PRR19: variants seen among roughly 807,000 people sequenced by gnomAD.
The protein encoded by PRR19 is proline-rich protein 19.
A neutral mutation model predicts 19.2 loss-of-function variants in PRR19; 9 were observed. That is an observed-to-expected ratio of 0.47 (90% CI 0.28 to 0.82). The LOEUF is 0.82. PRR19 is among the 40% of genes least tolerant of loss of function. PRR19 has a pLI of 0.11. For synonymous variants in PRR19, 190 were observed against 191.0 expected, an observed-to-expected ratio of 0.99 and a Z score of 0.04; for missense variants, 457 against 466.0, an observed-to-expected ratio of 0.98 and a Z score of 0.18.
Position 42,310,205 on chromosome 19 carries a change from C to G in PRR19, c.601+20C>G, listed in dbSNP as rs1465587776. ...TGCCAGGTGAGCGTCCCTCCTGCCC[C>G]TGTACTCCCCTTTCCTTTGTCGGCT... On this transcript the variant is annotated intron_variant, in intron 2 of 2. Transcript: ENST00000341747. The G allele has an allele frequency of 3.7e-6, 6 of 1,613,848 alleles. No individual in the cohort carries two copies. In the African/African-American group the frequency reaches 8.0e-5, roughly 22 times the overall value.
rs1357480851 is a variant in PRR19, at chr19:42,309,997, C to A, written c.413C>A (p.Ser138Tyr). 8.1e-6 allele frequency: 13 copies of A among 1,614,050 alleles called. No homozygotes were observed. Among genetic ancestry groups the A allele is most frequent in the Non-Finnish European group, 1.1e-5 (13 of 1,180,044 alleles). ...PGGSGPGPPS[S>Y]PELSGVGQLL... ...GGTTCGGGCCCAGGCCCACCCAGTTCCCCAGAGTTGTCTGGCGTGGGGCAG... is the reference window on the plus strand; with the variant it reads ...GGTTCGGGCCCAGGCCCACCCAGTTACCCAGAGTTGTCTGGCGTGGGGCAG... The change falls in exon 2 of 3, where the codon TCC becomes TAC. Residue 138 changes from serine to tyrosine, a missense_variant. Coordinates refer to ENST00000341747, the MANE Select transcript of PRR19 (RefSeq NM_199285.3).
chr19:42,302,729 T>C (rs975014710), intron 1 of PRR19: 2 of 192,484 alleles, frequency 1.0e-5, no homozygotes, highest in Non-Finnish European at 2.1e-5. Context: ...GGGGAAAATC[T>C]AGCCCTCTGT....
chr19:42,307,338 G>A (rs537884020), intron 1 of PRR19, among the ~76,000 whole-genome samples: 1 of 151,814 alleles, frequency 6.6e-6, no homozygotes, highest in Middle Eastern at 3.4e-3. Flanking sequence ...CCTGTACCTC[G>A]TCTACCCCTG....
chr19:42,310,040 G>A lies in PRR19; in HGVS notation c.456G>A (p.Gln152=), dbSNP rs766813274. 4 of 1,613,956 alleles carry A rather than the reference G, an allele frequency of 2.5e-6. No individual in the cohort carries two copies. Among genetic ancestry groups the A allele is most frequent in the African/African-American group, 2.7e-5 (2 of 74,960 alleles). ...SGVGQLLAEL[Q]CQLSLPQAFP... is the part of the protein sequence containing the mutation. ...TGGGGCAGCTGCTGGCAGAGCTGCA[G>A]TGTCAGCTGAGTTTGCCACAGGCCT... The change falls in exon 2 of 3, where the codon CAG becomes CAA. Residue 152 remains glutamine (Q), a synonymous_variant. Transcript: ENST00000341747.
rs754618292 is a variant in PRR19 at position 42,310,687 on chromosome 19, G to A, written c.1018G>A (p.Val340Ile). Reference protein sequence around the residue: ...PSPLPSLSWVVAQSSPEAWSF... With the variant: ...PSPLPSLSWVIAQSSPEAWSF... ...CCCACTGCCCAGCCTCTCCTGGGTAGTAGCCCAGAGCAGTCCGGAAGCCTG... is the reference window on the plus strand; with the variant it reads ...CCCACTGCCCAGCCTCTCCTGGGTAATAGCCCAGAGCAGTCCGGAAGCCTG... Residue 340 changes from valine to isoleucine, a missense_variant, in exon 3 of 3, where the codon GTA becomes ATA. Physicochemically the swap from Val to Ile is conservative, Grantham distance 29. Coordinates refer to ENST00000341747, the MANE Select transcript of PRR19 (RefSeq NM_199285.3). 11 of 1,601,982 alleles carry A rather than the reference G, an allele frequency of 6.9e-6. No homozygotes were observed. In the African/African-American group the frequency reaches 1.1e-4, roughly 16 times the overall value.
chr19:42,310,162 G>A lies in PRR19; in HGVS notation c.578G>A (p.Arg193Gln), dbSNP rs765971440. The A allele has an allele frequency of 7.4e-6, 12 of 1,613,890 alleles. No homozygotes were observed. The highest frequency in any genetic ancestry group is 2.2e-5 in the South Asian group (2 of 91,082). The change falls in exon 2 of 3, where the codon CGG (arginine) becomes CAG (glutamine). Residue 193 changes from arginine (R) to glutamine (Q), a missense_variant. By Grantham distance (43) the Arg-to-Gln change is conservative (BLOSUM62 1). Transcript: ENST00000341747. The part of the protein sequence containing the change: ...GCVPDLALVL[R>Q]GCQPPLPGAK... ...GTGCCTGACCTTGCCCTGGTGCTTC[G>A]GGGCTGCCAGCCACCCTTGCCAGGT...
At position 42,302,231 on chromosome 19, in the gene PRR19, C is replaced by T. The variant is rs1284069370; in HGVS notation, c.-279C>T. 1.3e-6 allele frequency: 2 copies of T among 1,592,852 alleles called. No homozygotes were observed. Among genetic ancestry groups the T allele is most frequent in the Non-Finnish European group, 1.7e-6 (2 of 1,169,796 alleles). On this transcript the variant is annotated 5_prime_UTR_variant, in exon 1 of 3. Coordinates refer to ENST00000341747, the MANE Select transcript of PRR19 (RefSeq NM_199285.3). ...TCAATATCCCAGGTGGGAACGCTCACCAGGGACATCCAGCGCCCGTCGCCC... is the reference window on the plus strand; with the variant it reads ...TCAATATCCCAGGTGGGAACGCTCATCAGGGACATCCAGCGCCCGTCGCCC...
rs956531382 is a variant in PRR19 at position 42,310,330 on chromosome 19, C to G, written c.661C>G (p.Gln221Glu). 3 of 1,614,102 alleles carry G rather than the reference C, an allele frequency of 1.9e-6. No homozygotes were observed. The highest frequency in any genetic ancestry group is 1.7e-5 in the Admixed American group (1 of 60,024). The change falls in exon 3 of 3, where the codon CAA (glutamine) becomes GAA (glutamate). Residue 221 changes from glutamine (Q) to glutamate (E), a missense_variant. Physicochemically the swap from Gln to Glu is conservative, Grantham distance 29. Transcript: ENST00000341747. ...ACCCTTCTGGATTAATAGCCCTGAT[C>G]AAGTCCCAGAGCAGGAGAGGCAAAG... ...MTPFWINSPD[Q>E]VPEQERQRKQ...
At chr19:42,303,519 C>A (rs1298884031) in intron 1 of PRR19, 6 of 152,264 alleles carry the variant, frequency 3.9e-5, no homozygotes, top group African/African-American at 1.4e-4. Context: ...GGGGGGCTCA[C>A]TCCCTGCTAA....
At chr19:42,310,220 C>G (rs928478561) in intron 2 of PRR19, 35 bp downstream of exon 2, 9 of 1,614,002 alleles carry the variant, frequency 5.6e-6, no homozygotes, top group Non-Finnish European at 5.1e-6. Flanking sequence ...CTCCCCTTTC[C>G]TTTGTCGGCT....
At position 42,302,297 on chromosome 19, in the gene PRR19, C is replaced by T. The variant is rs776825111; in HGVS notation, c.-213C>T. 7 of 1,605,020 alleles carry T rather than the reference C, an allele frequency of 4.4e-6. No homozygotes were observed. Among genetic ancestry groups the T allele is most frequent in the Non-Finnish European group, 5.1e-6 (6 of 1,176,878 alleles). ...GGCGTGGGCTTGCTGGCTGGGTTCT[C>T]CTCTCCACTCATCTTGGCGCCGCAG... On this transcript the variant is annotated 5_prime_UTR_variant, in exon 1 of 3. Coordinates refer to ENST00000341747, the MANE Select transcript of PRR19 (RefSeq NM_199285.3).
chr19:42,309,732 C>G lies in PRR19; in HGVS notation c.148C>G (p.Arg50Gly). 6.2e-7 allele frequency: 1 copy of G among 1,607,198 alleles called. No homozygotes were observed. Among genetic ancestry groups the G allele is most frequent in the Non-Finnish European group, 8.5e-7 (1 of 1,174,792 alleles). Residue 50 changes from arginine (R) to glycine (G), a missense_variant, in exon 2 of 3, where the codon CGG (arginine) becomes GGG (glycine). Transcript: ENST00000341747. ...LAHHDPPVAIRDPPVVPTASK... is the reference protein window; with the variant it reads ...LAHHDPPVAIGDPPVVPTASK... Reference sequence around the variant, plus strand: ...CCACCACGATCCTCCTGTGGCCATTCGGGATCCACCTGTGGTCCCTACTGC... The same window carrying G: ...CCACCACGATCCTCCTGTGGCCATTGGGGATCCACCTGTGGTCCCTACTGC...
At chr19:42,303,152 C>T (rs984434804) in intron 1 of PRR19, among the ~76,000 whole-genome samples, 2 of 151,082 alleles carry the variant, frequency 1.3e-5, no homozygotes, top group African/African-American at 4.9e-5. Context: ...TCACAGGACC[C>T]CTACTCAAAA....
chr19:42,303,167 G>A lies in PRR19; in HGVS notation c.-7+664G>A, dbSNP rs185816134. Among the ~76,000 whole-genome samples the A allele has an allele frequency of 1.1e-3, 164 of 151,498 alleles. 2 individuals are homozygous for A. Among genetic ancestry groups the A allele is most frequent in the African/African-American group, 3.8e-3 (159 of 41,330 alleles). On this transcript the variant is annotated intron_variant, in intron 1 of 2. Coordinates refer to ENST00000341747, the MANE Select transcript of PRR19 (RefSeq NM_199285.3). Reference sequence around the variant, plus strand: ...TCACAGGACCCCTACTCAAAACACCGTGTGTGTGTGCGCGCGCGTGGCATA... The same window carrying A: ...TCACAGGACCCCTACTCAAAACACCATGTGTGTGTGCGCGCGCGTGGCATA...
In PRR19 at chr19:42,309,953, A is replaced by C. The variant is rs1227948144; in HGVS notation, c.369A>C (p.Lys123Asn). 6.2e-7 allele frequency: 1 copy of C among 1,613,924 alleles called. No individual in the cohort carries two copies. Among genetic ancestry groups the C allele is most frequent in the Admixed American group, 1.7e-5 (1 of 60,024 alleles). The change falls in exon 2 of 3, where the codon AAA becomes AAC. Residue 123 changes from lysine to asparagine, a missense_variant. Transcript: ENST00000341747. Reference sequence around the variant, plus strand: ...AACCAGCCCCACGGTCCAGGGACAAAGAGAACCAGGTGCCTGGAGGTTCGG... The same window carrying C: ...AACCAGCCCCACGGTCCAGGGACAACGAGAACCAGGTGCCTGGAGGTTCGG... ...AQEPAPRSRD[K>N]ENQVPGGSGP... is the part of the protein sequence containing the mutation.
chr19:42,304,114 C>CA (rs547018745), intron 1 of PRR19, among the ~76,000 whole-genome samples: 4,335 of 113,392 alleles, frequency 0.038, 205 homozygotes, highest in African/African-American at 0.12. Context: ...ACTAAATATA[C>CA]AAAAAAAAAA....
chr19:42,310,320 TA>T lies in PRR19; in HGVS notation c.652del (p.Ser218AlafsTer69), dbSNP rs763174402. 1.9e-6 allele frequency: 3 copies of T among 1,614,144 alleles called. No homozygotes were observed. The highest frequency in any genetic ancestry group is 2.5e-6 in the Non-Finnish European group (3 of 1,180,016). ...ERKMTPFWIN[S>X]PDQVPEQERQ... Reference sequence around the variant, plus strand: ...GAAAGATGACACCCTTCTGGATTAATAGCCCTGATCAAGTCCCAGAGCAGGA... The same window carrying T: ...GAAAGATGACACCCTTCTGGATTAATGCCCTGATCAAGTCCCAGAGCAGGA... On this transcript the variant is annotated frameshift_variant, in exon 3 of 3. Transcript: ENST00000341747. LOFTEE classifies it low-confidence loss of function (END_TRUNC).
chr19:42,306,096 A>G (rs1357157852), intron 1 of PRR19, among the ~76,000 whole-genome samples: 1 of 152,064 alleles, frequency 6.6e-6, no homozygotes, highest in East Asian at 1.9e-4. Flanking sequence ...ATCATGGCTC[A>G]CTGCTGCCTC....
At chr19:42,309,347 T>A (rs2038754936) in intron 1 of PRR19, 1 of 358,894 alleles carries the variant, frequency 2.8e-6, no homozygotes, top group African/African-American at 2.1e-5. Flanking sequence ...GTACTAGGAT[T>A]ATAGGTATGG....
Sources: gnomAD v4.1 joint callset for allele counts (sites outside exome capture counted in the v4.1 genomes callset) on GRCh38, gnomAD v4.1.1 for gene constraint, MANE v1.5 for transcripts, NCBI Gene and HGNC (gene_info 2026-07-23, HGNC 2026-07-21) for gene names.